Variants in RIN3 observed in about 807,000 individuals in gnomAD.
The protein encoded by RIN3 is Ras and Rab interactor 3, also known as RAB5 interacting protein 3.
A neutral mutation model predicts 76.3 loss-of-function variants in RIN3; 54 were observed. The observed-to-expected ratio is 0.71, with a 90% CI of 0.57 to 0.89. RIN3 has a LOEUF of 0.89. Among genes scored for constraint, RIN3 ranks in the 40% least tolerant of loss-of-function variants. The probability of loss-of-function intolerance (pLI) is 0.00; values close to 1 mark genes in which losing one functional copy is unlikely to be tolerated. For synonymous variants in RIN3, 576 were observed against 564.0 expected, an observed-to-expected ratio of 1.02 and a Z score of -0.30; for missense variants, 1,256 against 1,322.1, an observed-to-expected ratio of 0.95 and a Z score of 0.78.
chr14:92,606,096 T>C (rs1885516428), intron 3 of RIN3, among the ~76,000 whole-genome samples: 1 of 137,288 alleles, frequency 7.3e-6, no homozygotes, highest in Non-Finnish European at 1.5e-5. Flanking sequence ...CCTTGAGCCC[T>C]AGAGTTCAGC....
chr14:92,653,260 C>T (rs537299746), intron 6 of RIN3, among the ~76,000 whole-genome samples, 185 bp downstream of exon 6: 3 of 152,188 alleles, frequency 2.0e-5, no homozygotes, highest in East Asian at 1.9e-4. Flanking sequence ...CCGGCTCCCC[C>T]CCTTCCCTAG....
intron 3 of RIN3, among the ~76,000 whole-genome samples, chr14:92,583,545 A>C (rs1259271512): frequency 2.0e-5 from 3 of 152,260 alleles, no homozygotes; most frequent in Admixed American, 6.5e-5. Flanking sequence ...AACATGGATC[A>C]AAAATATTCA....
intron 1 of RIN3, among the ~76,000 whole-genome samples, chr14:92,535,062 C>G (rs561301781): frequency 1.3e-5 from 2 of 152,182 alleles, no homozygotes; most frequent in African/African-American, 4.8e-5. Flanking sequence ...CAGCCTCCAT[C>G]GTGACACCCA....
rs144122955 is a variant in RIN3, at chr14:92,577,382, G to A, written c.272G>A (p.Ser91Asn). Residue 91 changes from serine to asparagine, a missense_variant, in exon 3 of 10, where the codon AGC becomes AAC. Ser to Asn is a conservative substitution (Grantham distance 46). Around this residue, in one of 3 missense-constraint regions of RIN3, gnomAD observed 610 missense variants for 626.4 expected, o/e 0.97. Transcript: ENST00000216487. Reference sequence around the variant, plus strand: ...CAGATGTTCCTGGTTCGCCGGGACAGCAGCTCGAAGCAGCTGGTGCTCTGT... The same window carrying A: ...CAGATGTTCCTGGTTCGCCGGGACAACAGCTCGAAGCAGCTGGTGCTCTGT... ...VAGMFLVRRD[S>N]SSKQLVLCVH... 52 of 1,613,196 alleles carry A rather than the reference G, an allele frequency of 3.2e-5. No individual in the cohort carries two copies. Among genetic ancestry groups the A allele is most frequent in the Non-Finnish European group, 1.7e-5 (20 of 1,179,484 alleles).
In RIN3 at chr14:92,648,091, T is replaced by C. The variant is rs1887269131; in HGVS notation, c.533-3491T>C. 9.4e-5 allele frequency among the ~76,000 whole-genome samples: 1 copy of C among 10,608 alleles called. No individual in the cohort carries two copies. The highest frequency in any genetic ancestry group is 1.0e-3 in the Admixed American group (1 of 968). 7.0% of individuals were successfully genotyped at this position (10,608 alleles called of 152,430 possible). ...CTGCAGAGAAAGTTACTCATTTCCC[T>C]TTTTTTTTTTTTTTTGGAGCATAAA... On this transcript the variant is annotated intron_variant, in intron 5 of 9. Transcript: ENST00000216487. This position sits in a 1 kb window ranked among gnomAD's most constrained non-coding sequence, Gnocchi z 4.1.
intron 1 of RIN3, among the ~76,000 whole-genome samples, chr14:92,535,330 C>CTTTCTTTTTTTTTTTTTTTTTT (rs1896971231): frequency 7.0e-6 from 1 of 142,918 alleles, no homozygotes; most frequent in African/African-American, 2.7e-5. Flanking sequence ...TCTTTTCTTT[C>CTTTCTTTTTTTTTTTTTTTTTT]TTTCTTTTTT....
At chr14:92,524,112 C>T (rs760389387) in intron 1 of RIN3, among the ~76,000 whole-genome samples, 10 of 152,104 alleles carry the variant, frequency 6.6e-5, no homozygotes, top group African/African-American at 1.2e-4. Context: ...GGGGATCTCT[C>T]GAGCCCTGGA....
chr14:92,688,349 A>AT lies in RIN3; in HGVS notation c.*98dup. 8.3e-7 allele frequency: 1 copy of AT among 1,205,536 alleles called. No homozygotes were observed. Among genetic ancestry groups the AT allele is most frequent in the Non-Finnish European group, 1.1e-6 (1 of 889,434 alleles). The allele number at this position is 1,205,536 out of a possible 1,614,324, so 74.7% of individuals were successfully genotyped here. A position where few individuals can be genotyped will look rare whatever the true frequency, so the allele number is the denominator to read the frequency against. On this transcript the variant is annotated 3_prime_UTR_variant, in exon 10 of 10. Transcript: ENST00000216487. ...CGCGACGTCCACGCAGCAGAGGGAC[A>AT]TGGGCCATTCCATGACGTGCCCAGG...
intron 2 of RIN3, among the ~76,000 whole-genome samples, chr14:92,570,226 T>G (rs8007304): frequency 0.2 from 30,904 of 152,062 alleles, 3,880 homozygotes; most frequent in African/African-American, 0.34. Flanking sequence ...AAGTTTGCCT[T>G]CCCAGGGGCA....
rs1045811402 is a variant in RIN3, at chr14:92,688,532, G to A, written c.*280G>A. 5 of 499,148 alleles carry A rather than the reference G, an allele frequency of 1.0e-5. No individual in the cohort carries two copies. The highest frequency in any genetic ancestry group is 8.0e-5 in the African/African-American group (4 of 49,858). 30.9% of individuals were successfully genotyped at this position (499,148 alleles called of 1,614,324 possible). ...GAGAGAGGCGCTCCAGGCCGCTGCA[G>A]CCAACAAACCGGCGCCCTCTTCACA... is the stretch of plus-strand genomic sequence containing the variant. On this transcript the variant is annotated 3_prime_UTR_variant, in exon 10 of 10. Transcript: ENST00000216487.
chr14:92,572,241 T>G (rs1898078935), intron 2 of RIN3, among the ~76,000 whole-genome samples: 2 of 152,116 alleles, frequency 1.3e-5, no homozygotes, highest in African/African-American at 4.8e-5. Flanking sequence ...CGCCAGCACT[T>G]GGGAGGGGCC....
intron 2 of RIN3, among the ~76,000 whole-genome samples, chr14:92,561,038 A>ATATATATATATATATATATATATATAT (rs1555383834): frequency 6.8e-5 from 1 of 14,616 alleles, no homozygotes; most frequent in Non-Finnish European, 1.5e-4. Flanking sequence ...AAAAAAAAAA[A>ATATATATATATATATATATATATATAT]AAAAAAATAT....
At chr14:92,531,653 G>A (rs1896881403) in intron 1 of RIN3, among the ~76,000 whole-genome samples, 1 of 152,214 alleles carries the variant, frequency 6.6e-6, no homozygotes, top group East Asian at 1.9e-4. Flanking sequence ...GTGGGTTGCA[G>A]GGTGACTCAG....
In RIN3 at chr14:92,530,045, C is replaced by T. The variant is rs75280690; in HGVS notation, c.44+16069C>T. 8.5e-5 allele frequency among the ~76,000 whole-genome samples: 13 copies of T among 152,306 alleles called. No individual in the cohort carries two copies. The East Asian group carries it at 1.7e-3, about 20-fold the overall frequency. Reference sequence around the variant, plus strand: ...CCCCTAGGAGCAATGATTCAGTATTCGCTCAGTGTTCATGGTGACTTTACA... The same window carrying T: ...CCCCTAGGAGCAATGATTCAGTATTTGCTCAGTGTTCATGGTGACTTTACA... On this transcript the variant is annotated intron_variant, in intron 1 of 9. Coordinates refer to ENST00000216487, the MANE Select transcript of RIN3 (RefSeq NM_024832.5).
chr14:92,588,214 C>CT (rs141155255), intron 3 of RIN3, among the ~76,000 whole-genome samples: 670 of 58,836 alleles, frequency 0.011, 77 homozygotes, highest in African/African-American at 0.021. Flanking sequence ...CCATAGCACT[C>CT]TTTTTTTTTT....
chr14:92,560,515 C>T (rs1417577764), intron 2 of RIN3, among the ~76,000 whole-genome samples: 2 of 152,160 alleles, frequency 1.3e-5, no homozygotes, highest in Non-Finnish European at 2.9e-5. Flanking sequence ...CTTACTTGAT[C>T]CTCAGCGATT....
rs138582177 is a variant in RIN3, at chr14:92,661,853, G to C, written c.2335+2384G>C. On this transcript the variant is annotated intron_variant, in intron 7 of 9. Coordinates refer to ENST00000216487, the MANE Select transcript of RIN3 (RefSeq NM_024832.5). ...TGATGTTGGAGATATGATGGGAAGA[G>C]AGAGGGTTGTAGTAGAAGCAGGATG... Among the ~76,000 whole-genome samples the C allele has an allele frequency of 2.2e-3, 328 of 152,356 alleles. 2 individuals are homozygous for C. Among genetic ancestry groups the C allele is most frequent in the Admixed American group, 2.9e-3 (45 of 15,308 alleles).
At chr14:92,682,191 C>G (rs976175948) in intron 8 of RIN3, among the ~76,000 whole-genome samples, 4 of 152,080 alleles carry the variant, frequency 2.6e-5, no homozygotes, top group African/African-American at 9.7e-5. Flanking sequence ...CCAGCCATCT[C>G]TTTTCTATAC....
chr14:92,600,029 G>C (rs1885289823), intron 3 of RIN3, among the ~76,000 whole-genome samples: 1 of 152,166 alleles, frequency 6.6e-6, no homozygotes. Flanking sequence ...GGCATTTATA[G>C]TGATTCAGAG....
Sources: allele counts gnomAD v4.1 joint callset (sites outside exome capture counted in the v4.1 genomes callset), GRCh38; gene constraint gnomAD v4.1.1; regional missense constraint gnomAD v4.1.1; non-coding constraint Gnocchi (gnomAD v3.1); transcripts MANE v1.5; gene names NCBI Gene and HGNC (gene_info 2026-07-23, HGNC 2026-07-21).